Variants in SPATA6 observed in about 807,000 individuals in gnomAD.
The protein encoded by SPATA6 is spermatogenesis associated 6.
SPATA6 carries 56 observed loss-of-function variants against 65.3 expected under a neutral mutation model. The ratio of observed to expected loss-of-function variants is 0.86; its 90% CI spans 0.69 to 1.07. The LOEUF is 1.07. SPATA6 is among the 50% of genes least tolerant of loss of function. The probability of loss-of-function intolerance (pLI) is 0.00; values close to 1 mark genes in which losing one functional copy is unlikely to be tolerated. For missense variants in SPATA6, 590 were observed against 594.8 expected, an observed-to-expected ratio of 0.99 and a Z score of 0.08; for synonymous variants, 199 against 213.2, an observed-to-expected ratio of 0.93 and a Z score of 0.58.
At chr1:48,410,418 G>T (rs535652083) in intron 5 of SPATA6, among the ~76,000 whole-genome samples, 5 of 152,076 alleles carry the variant, frequency 3.3e-5, no homozygotes, top group Non-Finnish European at 7.4e-5. Flanking sequence ...ACATCTTCCT[G>T]CTTTCTGAGC....
chr1:48,347,546 T>C lies in SPATA6; in HGVS notation c.1194+8124A>G, dbSNP rs924505115. On this transcript the variant is annotated intron_variant, in intron 11 of 12. Transcript: ENST00000371847. ...TTAAATTAATTATAGTAATTAATTA[T>C]ATAATTAATTTAAGTACAGTTAAAA... Among the ~76,000 whole-genome samples, 53 of 147,632 alleles carry C rather than the reference T, an allele frequency of 3.6e-4. 1 individual carries two copies. The Middle Eastern group carries it at 0.018, about 50-fold the overall frequency.
intron 11 of SPATA6, among the ~76,000 whole-genome samples, chr1:48,324,922 T>C (rs760514369): frequency 9.2e-5 from 14 of 152,208 alleles, no homozygotes; most frequent in South Asian, 4.1e-4. Flanking sequence ...TCCTTGCAGA[T>C]GATGCAATTT....
In SPATA6 at chr1:48,472,140, G is replaced by A; in HGVS notation, c.-132C>T. The A allele has an allele frequency of 4.4e-6, 3 of 684,738 alleles. No homozygotes were observed. Among genetic ancestry groups the A allele is most frequent in the South Asian group, 4.1e-5 (2 of 48,592 alleles). The allele number at this position is 684,738 out of a possible 1,614,324, so 42.4% of individuals were successfully genotyped here. Reference sequence around the variant, plus strand: ...TGGCAGCAGTGGCCCCCAGGCCGGGGCCCGCGGTCCAGCCTGGGTTCCGCC... The same window carrying A: ...TGGCAGCAGTGGCCCCCAGGCCGGGACCCGCGGTCCAGCCTGGGTTCCGCC... On this transcript the variant is annotated 5_prime_UTR_variant, in exon 1 of 13. Transcript: ENST00000371847.
chr1:48,405,132 T>A (rs1396550683), intron 5 of SPATA6, among the ~76,000 whole-genome samples: 1 of 152,212 alleles, frequency 6.6e-6, no homozygotes, highest in East Asian at 1.9e-4. Flanking sequence ...TTGACTGAAC[T>A]GATGTACTCT....
At chr1:48,469,489 T>C (rs984691662) in intron 1 of SPATA6, among the ~76,000 whole-genome samples, 5 of 149,812 alleles carry the variant, frequency 3.3e-5, no homozygotes, top group Non-Finnish European at 7.4e-5. Context: ...TATATATATA[T>C]ATATATATAT....
the SPATA6 span, among the ~76,000 whole-genome samples, chr1:48,288,690 G>A: frequency 6.6e-6 from 1 of 152,194 alleles, no homozygotes; most frequent in South Asian, 2.1e-4. Context: ...GGCACACCAG[G>A]ATATTACATC....
At chr1:48,288,297 A>AG in the SPATA6 span, among the ~76,000 whole-genome samples, 1 of 152,208 alleles carries the variant, frequency 6.6e-6, no homozygotes, top group Admixed American at 6.5e-5. Flanking sequence ...TGATGATGCT[A>AG]GCCTCATAAA....
chr1:48,277,620 C>T, the SPATA6 span, among the ~76,000 whole-genome samples: 2 of 152,212 alleles, frequency 1.3e-5, no homozygotes, highest in East Asian at 1.9e-4. Context: ...GGCAGCCAGG[C>T]TGGGGGAGGG....
At chr1:48,274,906 T>C in the SPATA6 span, among the ~76,000 whole-genome samples, 891 of 152,312 alleles carry the variant, frequency 5.8e-3, 8 homozygotes, top group Non-Finnish European at 7.0e-3. Flanking sequence ...GGGGATAGCA[T>C]CGAATCTATA....
At chr1:48,267,039 A>T in the SPATA6 span, among the ~76,000 whole-genome samples, 3 of 152,068 alleles carry the variant, frequency 2.0e-5, no homozygotes, top group East Asian at 5.8e-4. Flanking sequence ...CGAAATAAAT[A>T]TTTTAGATGA....
chr1:48,347,910 G>A (rs997003646), intron 11 of SPATA6, among the ~76,000 whole-genome samples: 1 of 151,920 alleles, frequency 6.6e-6, no homozygotes, highest in Non-Finnish European at 1.5e-5. Flanking sequence ...CAACACTCCT[G>A]TGACTTCATC....
Position 48,428,466 on chromosome 1 carries a change from T to C in SPATA6, c.239-15315A>G, listed in dbSNP as rs570508795. Reference sequence around the variant, plus strand: ...GAAACTCCGTCTCTAATAATAATAATAACATAAAAACATAGTCAACATGTT... The same window carrying C: ...GAAACTCCGTCTCTAATAATAATAACAACATAAAAACATAGTCAACATGTT... On this transcript the variant is annotated intron_variant, in intron 3 of 12. Coordinates refer to ENST00000371847, the MANE Select transcript of SPATA6 (RefSeq NM_019073.4). Among the ~76,000 whole-genome samples, 56 of 152,178 alleles carry C rather than the reference T, an allele frequency of 3.7e-4. 1 individual carries two copies. Among genetic ancestry groups the C allele is most frequent in the Admixed American group, 3.3e-3 (50 of 15,284 alleles).
the SPATA6 span, among the ~76,000 whole-genome samples, chr1:48,265,132 T>C: frequency 2.6e-5 from 4 of 152,196 alleles, no homozygotes; most frequent in African/African-American, 9.7e-5. Context: ...TCTTTCATGC[T>C]CCATAAGTAC....
At chr1:48,364,848 G>C (rs1172405127) in intron 9 of SPATA6, among the ~76,000 whole-genome samples, 1 of 152,170 alleles carries the variant, frequency 6.6e-6, no homozygotes, top group Non-Finnish European at 1.5e-5. Context: ...ACCGCTTTTG[G>C]TGTTTTAGAC....
At position 48,359,683 on chromosome 1, in the gene SPATA6, G is replaced by C. The variant is rs1338314; in HGVS notation, c.997C>G (p.Arg333Gly). 3.1e-6 allele frequency: 5 copies of C among 1,613,662 alleles called. No homozygotes were observed. The Admixed American group carries it at 8.3e-5, about 27-fold the overall frequency. Reference sequence around the variant, plus strand: ...ACTAGCAAGGTCCTCGCTGAATGCCGGGGCTTACTACACGACCTTGGGCTC... The same window carrying C: ...ACTAGCAAGGTCCTCGCTGAATGCCCGGGCTTACTACACGACCTTGGGCTC... The part of the protein sequence containing the change: ...YLSPRSCSKP[R>G]HSARTLLVHS... Residue 333 changes from arginine to glycine, a missense_variant, in exon 10 of 13, where the codon CGG (arginine) becomes GGG (glycine). Arg to Gly is a moderately radical substitution (Grantham distance 125). Transcript: ENST00000371847.
intron 1 of SPATA6, among the ~76,000 whole-genome samples, chr1:48,462,110 C>T (rs1297644540): frequency 4.0e-5 from 6 of 151,728 alleles, no homozygotes; most frequent in Non-Finnish European, 2.9e-5. Context: ...AACCAAACAC[C>T]GCATGTTCTC....
chr1:48,310,493 G>A (rs540331746), intron 11 of SPATA6, among the ~76,000 whole-genome samples: 10 of 152,164 alleles, frequency 6.6e-5, no homozygotes, highest in Non-Finnish European at 1.3e-4. Context: ...TCATGTTGAA[G>A]CATTTGCTTG....
chr1:48,467,258 A>G (rs1020668431), intron 1 of SPATA6, among the ~76,000 whole-genome samples: 3 of 152,126 alleles, frequency 2.0e-5, no homozygotes, highest in Non-Finnish European at 4.4e-5. Context: ...TTACTAAAGT[A>G]TTACACAGAT....
chr1:48,423,949 TC>T (rs1382312214), intron 3 of SPATA6, among the ~76,000 whole-genome samples: 2 of 152,184 alleles, frequency 1.3e-5, no homozygotes, highest in African/African-American at 2.4e-5. Context: ...AATAAGCACA[TC>T]ATGAAGAATG....
Sources: gnomAD v4.1 joint callset for allele counts (sites outside exome capture counted in the v4.1 genomes callset) on GRCh38, gnomAD v4.1.1 for gene constraint, MANE v1.5 for transcripts, NCBI Gene and HGNC (gene_info 2026-07-23, HGNC 2026-07-21) for gene names.